CAMKK1: variants seen among roughly 807,000 people sequenced by gnomAD.
The protein encoded by CAMKK1 is calcium/calmodulin-dependent protein kinase kinase 1.
Under a neutral mutation model 63.5 loss-of-function variants are expected in CAMKK1, and 20 were observed. The ratio of observed to expected loss-of-function variants is 0.32; its 90% CI spans 0.22 to 0.46. The LOEUF is 0.46. CAMKK1 is among the 20% of genes least tolerant of loss of function. The pLI, the probability that CAMKK1 is intolerant of heterozygous loss-of-function variation, is 1.00. For synonymous variants in CAMKK1, 253 were observed against 269.0 expected (o/e 0.94, Z 0.58); for missense variants, 588 against 658.1 (o/e 0.89, Z 1.17).
rs1325433566 is a variant in CAMKK1, at chr17:3,889,501, C to T, written c.-44+3438G>A. 6.6e-6 allele frequency among the ~76,000 whole-genome samples: 1 copy of T among 152,014 alleles called. No individual in the cohort carries two copies. Among genetic ancestry groups the T allele is most frequent in the Non-Finnish European group, 1.5e-5 (1 of 67,980 alleles). On this transcript the variant is annotated intron_variant, in intron 1 of 15. Transcript: ENST00000348335. This position sits in a 1 kb window ranked among gnomAD's most constrained non-coding sequence, Gnocchi z 5.2. The stretch of plus-strand genomic sequence containing the variant: ...GACAAGTCATCGAGCCTCTTGGAGC[C>T]TCTGTTTCCTAACACGTGCATCAAG...
chr17:3,890,192 A>G lies in CAMKK1; in HGVS notation c.-44+2747T>C, dbSNP rs887027669. 8.5e-5 allele frequency among the ~76,000 whole-genome samples: 13 copies of G among 152,248 alleles called. No homozygotes were observed. Among genetic ancestry groups the G allele is most frequent in the Admixed American group, 8.5e-4 (13 of 15,304 alleles). On this transcript the variant is annotated intron_variant, in intron 1 of 15. Coordinates refer to ENST00000348335, the MANE Select transcript of CAMKK1 (RefSeq NM_032294.3). This position sits in a 1 kb window ranked among gnomAD's most constrained non-coding sequence, Gnocchi z 6.5. ...GGCCCTGGCAACGGGTGCCCTCCGC[A>G]GCTCCCGCCCCCACCCGGGATGACT...
At position 3,862,142 on chromosome 17, in the gene CAMKK1, C is replaced by A. The variant is rs2054348203; in HGVS notation, c.*69G>T. On this transcript the variant is annotated 3_prime_UTR_variant, in exon 16 of 16. Transcript: ENST00000348335. The surrounding 1 kb of genome is among the most constrained non-coding windows in gnomAD (Gnocchi z 4.1). ...CCCCTGCCTGCGGGGGCGGCTGTTG[C>A]ATGAGGGGTGGGCCTCTGGAGGCGC... 6.7e-6 allele frequency: 9 copies of A among 1,349,818 alleles called. No homozygotes were observed. Among genetic ancestry groups the A allele is most frequent in the Middle Eastern group, 2.0e-4 (1 of 5,026 alleles). The allele number at this position is 1,349,818 out of a possible 1,614,324, so 83.6% of individuals were successfully genotyped here.
At chr17:3,866,996 C>T (rs557570034) in intron 14 of CAMKK1, among the ~76,000 whole-genome samples, 7 of 152,356 alleles carry the variant, frequency 4.6e-5, no homozygotes, top group African/African-American at 1.7e-4. Context: ...GCTGGGATTA[C>T]AGGCGTGAGC....
At chr17:3,888,913 CGT>C (rs55841323) in intron 1 of CAMKK1, among the ~76,000 whole-genome samples, 27 of 150,330 alleles carry the variant, frequency 1.8e-4, no homozygotes, top group Non-Finnish European at 3.3e-4. Flanking sequence ...AGGGTGGTGG[CGT>C]GTGTGTGTGT....
chr17:3,869,046 G>A (rs2054713353), intron 14 of CAMKK1, among the ~76,000 whole-genome samples: 2 of 148,414 alleles, frequency 1.3e-5, no homozygotes, highest in Admixed American at 1.3e-4. Flanking sequence ...TCGGCTCACG[G>A]CAAACTCCAC....
intron 10 of CAMKK1, among the ~76,000 whole-genome samples, chr17:3,873,673 G>A (rs937835839): frequency 6.6e-6 from 1 of 152,106 alleles, no homozygotes; most frequent in Non-Finnish European, 1.5e-5. Context: ...CACCCTCCAG[G>A]GGTTCTGGAT....
intron 12 of CAMKK1, among the ~76,000 whole-genome samples, chr17:3,871,242 G>A (rs1201220926): frequency 6.6e-6 from 1 of 151,948 alleles, no homozygotes; most frequent in Non-Finnish European, 1.5e-5. Flanking sequence ...GCTCAGCAGG[G>A]CTTGGGGACC....
intron 1 of CAMKK1, among the ~76,000 whole-genome samples, chr17:3,891,885 G>T (rs2052044340): frequency 6.6e-6 from 1 of 152,276 alleles, no homozygotes; most frequent in South Asian, 2.1e-4. Flanking sequence ...TTGTGAGCAG[G>T]GGAGTGCCTC....
rs1597495689 is a variant in CAMKK1, at chr17:3,889,854, C to T, written c.-44+3085G>A. On this transcript the variant is annotated intron_variant, in intron 1 of 15. Transcript: ENST00000348335. This position sits in a 1 kb window ranked among gnomAD's most constrained non-coding sequence, Gnocchi z 5.2. ...GGACATGCCCCATCCAGCTGCATCC[C>T]TCAAAGGAGCCCCAGAGCAGGCAGA... Among the ~76,000 whole-genome samples the T allele has an allele frequency of 6.6e-6, 1 of 152,258 alleles. No individual in the cohort carries two copies.
At chr17:3,868,674 A>G (rs1263037896) in intron 14 of CAMKK1, among the ~76,000 whole-genome samples, 1 of 150,722 alleles carries the variant, frequency 6.6e-6, no homozygotes, top group Non-Finnish European at 1.5e-5. Flanking sequence ...TTTTTTTGAG[A>G]TGGAGTCTCG....
At chr17:3,865,424 T>G in intron 15 of CAMKK1, 1 of 991,488 alleles carries the variant, frequency 1.0e-6, no homozygotes, top group East Asian at 1.1e-4. Flanking sequence ...CTGGGCCACT[T>G]GGGAGAGCAG....
At chr17:3,867,572 G>C (rs923835239) in intron 14 of CAMKK1, among the ~76,000 whole-genome samples, 4 of 152,186 alleles carry the variant, frequency 2.6e-5, no homozygotes, top group Non-Finnish European at 5.9e-5. Flanking sequence ...AGTGGTCTGA[G>C]AGAGAGGAGA....
chr17:3,875,415 G>A (rs1486126090), intron 10 of CAMKK1, among the ~76,000 whole-genome samples: 4 of 151,880 alleles, frequency 2.6e-5, no homozygotes, highest in Admixed American at 2.0e-4. Context: ...CCAAGTAGCT[G>A]GGACTACAGG....
rs984042610 is a variant in CAMKK1, at chr17:3,884,930, C to T, written c.360+398G>A. ...AAATGGCAAGAACTCCAGCAGAAGC[C>T]CAGAGGCTGGAGGCAGGCCGGCCGC... is the stretch of plus-strand genomic sequence containing the variant. On this transcript the variant is annotated intron_variant, in intron 2 of 15. Transcript: ENST00000348335. The surrounding 1 kb of genome is among the most constrained non-coding windows in gnomAD (Gnocchi z 4.5). Among the ~76,000 whole-genome samples, 14 of 152,152 alleles carry T rather than the reference C, an allele frequency of 9.2e-5. No individual in the cohort carries two copies. Among genetic ancestry groups the T allele is most frequent in the Non-Finnish European group, 2.9e-5 (2 of 68,034 alleles).
intron 15 of CAMKK1, chr17:3,865,241 T>C: frequency 4.1e-6 from 4 of 985,710 alleles, no homozygotes; most frequent in Non-Finnish European, 4.8e-6. Context: ...GCTGCTTTTC[T>C]GGACCCTCCT....
chr17:3,879,982 G>T lies in CAMKK1; in HGVS notation c.796+364C>A. The T allele has an allele frequency of 3.7e-6, 1 of 273,032 alleles. No individual in the cohort carries two copies. Among genetic ancestry groups the T allele is most frequent in the Non-Finnish European group, 7.2e-6 (1 of 139,572 alleles). The allele number at this position is 273,032 out of a possible 1,614,324, so 16.9% of individuals were successfully genotyped here. The stretch of plus-strand genomic sequence containing the variant: ...CCCTGCCACCATGCCCCGGCCCCAT[G>T]CCAGGACAGACTCTCCCCAGCAGCT... On this transcript the variant is annotated intron_variant, in intron 9 of 15. Transcript: ENST00000348335. The surrounding 1 kb of genome is among the most constrained non-coding windows in gnomAD (Gnocchi z 4.5).
At position 3,871,588 on chromosome 17, in the gene CAMKK1, C is replaced by G. The variant is rs183850774; in HGVS notation, c.1124+966G>C. ...AGCCAGGATGGTCTCGATCTCCTGACCTCGTGATCCGCCCTCCTTGGCCTC... is the reference window on the plus strand; with the variant it reads ...AGCCAGGATGGTCTCGATCTCCTGAGCTCGTGATCCGCCCTCCTTGGCCTC... On this transcript the variant is annotated intron_variant, in intron 12 of 15. Coordinates refer to ENST00000348335, the MANE Select transcript of CAMKK1 (RefSeq NM_032294.3). Among the ~76,000 whole-genome samples the G allele has an allele frequency of 1.8e-4, 27 of 149,806 alleles. 1 individual carries two copies. In the East Asian group the frequency reaches 3.1e-3, roughly 17 times the overall value.
chr17:3,873,550 GGGAA>G, intron 10 of CAMKK1, 88 bp from the exon 11 acceptor site: 1 of 1,271,980 alleles, frequency 7.9e-7, no homozygotes, highest in Non-Finnish European at 1.1e-6. Context: ...GAGGCCTGCA[GGGAA>G]CCTCTTTCCT....
In CAMKK1 at chr17:3,890,760, A is replaced by C. The variant is rs779084553; in HGVS notation, c.-44+2179T>G. The C allele has an allele frequency of 2.6e-6, 2 of 779,758 alleles. No individual in the cohort carries two copies. Among genetic ancestry groups the C allele is most frequent in the Non-Finnish European group, 4.8e-6 (2 of 417,958 alleles). The allele number at this position is 779,758 out of a possible 1,614,324, so 48.3% of individuals were successfully genotyped here. The stretch of plus-strand genomic sequence containing the variant: ...TGTTCTGCTGCCAGGCCTCAGTACA[A>C]GCTGTGCCTTCTGCCAGGAACACAC... On this transcript the variant is annotated intron_variant, in intron 1 of 15. Coordinates refer to ENST00000348335, the MANE Select transcript of CAMKK1 (RefSeq NM_032294.3). The surrounding 1 kb of genome is among the most constrained non-coding windows in gnomAD (Gnocchi z 6.5).
Sources: allele counts gnomAD v4.1 joint callset (sites outside exome capture counted in the v4.1 genomes callset), GRCh38; gene constraint gnomAD v4.1.1; non-coding constraint Gnocchi (gnomAD v3.1); transcripts MANE v1.5; gene names NCBI Gene and HGNC (gene_info 2026-07-23, HGNC 2026-07-21).